Variants in ARHGAP19 observed in about 807,000 individuals in gnomAD.
ARHGAP19 encodes the protein rho GTPase-activating protein 19.
A neutral mutation model predicts 60.9 loss-of-function variants in ARHGAP19; 48 were observed. The ratio of observed to expected loss-of-function variants is 0.79; its 90% CI spans 0.62 to 1.00. ARHGAP19 has a LOEUF of 1.00. Ranked by LOEUF, ARHGAP19 falls within the 50% of genes least tolerant of loss-of-function variation. The pLI is 0.00. For missense variants in ARHGAP19, 562 were observed against 597.2 expected, an observed-to-expected ratio of 0.94 and a Z score of 0.61; for synonymous variants, 209 against 215.5, an observed-to-expected ratio of 0.97 and a Z score of 0.27.
intron 11 of ARHGAP19, among the ~76,000 whole-genome samples, chr10:97,228,109 G>C (rs777923744): frequency 1.3e-5 from 2 of 152,320 alleles, no homozygotes; most frequent in East Asian, 3.8e-4. Flanking sequence ...CAGAAGCAAC[G>C]AGGAAAGAAA....
At chr10:97,241,172 C>T (rs1275651421) in intron 8 of ARHGAP19, among the ~76,000 whole-genome samples, 1 of 151,264 alleles carries the variant, frequency 6.6e-6, no homozygotes, top group Non-Finnish European at 1.5e-5. Context: ...AATACAAAAA[C>T]ATTAGCCGGG....
In ARHGAP19 at chr10:97,279,142, T is replaced by C. The variant is rs143419434; in HGVS notation, c.57-13017A>G. On this transcript the variant is annotated intron_variant, in intron 1 of 11. Coordinates refer to ENST00000358531, the MANE Select transcript of ARHGAP19 (RefSeq NM_032900.6). Reference sequence around the variant, plus strand: ...AGAAAAGACTGTATTCTTCCCTCTTTCTATGTATCAAATTTAAGCCAGTAT... The same window carrying C: ...AGAAAAGACTGTATTCTTCCCTCTTCCTATGTATCAAATTTAAGCCAGTAT... Among the ~76,000 whole-genome samples, 711 of 152,280 alleles carry C rather than the reference T, an allele frequency of 4.7e-3. 4 individuals are homozygous for C. The highest frequency in any genetic ancestry group is 7.5e-3 in the Non-Finnish European group (513 of 68,022).
intron 1 of ARHGAP19, among the ~76,000 whole-genome samples, chr10:97,290,656 C>G (rs924909166): frequency 1.3e-5 from 2 of 151,994 alleles, no homozygotes; most frequent in African/African-American, 2.4e-5. Context: ...TTGGTGACCA[C>G]GAAGGGGCAT....
intron 1 of ARHGAP19, among the ~76,000 whole-genome samples, chr10:97,288,637 A>G (rs1843186911): frequency 6.6e-6 from 1 of 151,980 alleles, no homozygotes; most frequent in Admixed American, 6.6e-5. Context: ...GCAGAGCAAG[A>G]GCAAGAAAGA....
At chr10:97,239,451 G>A (rs1430284796) in intron 8 of ARHGAP19, among the ~76,000 whole-genome samples, 2 of 151,574 alleles carry the variant, frequency 1.3e-5, no homozygotes, top group Admixed American at 1.3e-4. Context: ...AGCCGAGATC[G>A]GAGATCGTGC....
intron 1 of ARHGAP19, among the ~76,000 whole-genome samples, chr10:97,269,444 C>T (rs1842936123): frequency 6.6e-6 from 1 of 152,158 alleles, no homozygotes; most frequent in South Asian, 2.1e-4. Flanking sequence ...AAATGCTTCT[C>T]TCTTCAACCT....
intron 9 of ARHGAP19, among the ~76,000 whole-genome samples, chr10:97,232,409 C>T (rs2134812269): frequency 6.6e-6 from 1 of 152,176 alleles, no homozygotes; most frequent in East Asian, 1.9e-4. Flanking sequence ...GTGATCCGCC[C>T]ACCTCAGCCT....
Position 97,255,216 on chromosome 10 carries a change from T to A in ARHGAP19, c.927+1102A>T, listed in dbSNP as rs565012043. On this transcript the variant is annotated intron_variant, in intron 6 of 11. Transcript: ENST00000358531. ...GCTTAAAAATGGTTAAGATGGCAAA[T>A]TTTATAAGCATTTTACTGCAAGAAA... is the stretch of plus-strand genomic sequence containing the variant. 3.9e-5 allele frequency among the ~76,000 whole-genome samples: 6 copies of A among 152,302 alleles called. No individual in the cohort carries two copies. The South Asian group carries it at 1.2e-3, about 32-fold the overall frequency.
intron 1 of ARHGAP19, among the ~76,000 whole-genome samples, chr10:97,282,898 A>C (rs1399923185): frequency 7.4e-6 from 1 of 135,326 alleles, no homozygotes. Context: ...GCTGGAGTGC[A>C]GTGGTGCGAT....
chr10:97,289,140 A>G (rs1343006433), intron 1 of ARHGAP19, among the ~76,000 whole-genome samples: 7 of 135,462 alleles, frequency 5.2e-5, no homozygotes, highest in African/African-American at 2.0e-4. Context: ...TTCGAAACGT[A>G]GTCTCGCTCT....
intron 9 of ARHGAP19, 144 bp downstream of exon 9, chr10:97,235,073 T>A: frequency 1.4e-6 from 1 of 704,498 alleles, no homozygotes. Context: ...ATAAAAGCTT[T>A]TCAACATTTT....
intron 10 of ARHGAP19, 32 bp from the exon 11 acceptor site, chr10:97,229,257 T>C (rs984001520): frequency 6.6e-7 from 1 of 1,518,356 alleles, no homozygotes; most frequent in African/African-American, 1.4e-5. Flanking sequence ...GTGGTTTCAA[T>C]GTTCTAATGC....
intron 8 of ARHGAP19, among the ~76,000 whole-genome samples, chr10:97,239,391 G>A (rs539341721): frequency 1.7e-4 from 26 of 152,132 alleles, no homozygotes; most frequent in African/African-American, 5.5e-4. Flanking sequence ...AGCTACTCTG[G>A]AGGCTGAGGC....
In ARHGAP19 at chr10:97,292,629, T is replaced by C. The variant is rs1169203994; in HGVS notation, c.-2A>G. On this transcript the variant is annotated 5_prime_UTR_variant, in exon 1 of 12. Coordinates refer to ENST00000358531, the MANE Select transcript of ARHGAP19 (RefSeq NM_032900.6). ...TTCACTCTGTGCCTCAGTCGCCATC[T>C]TCGTCAGCAAACTTCTTTCACCGCC... The C allele has an allele frequency of 6.2e-7, 1 of 1,614,238 alleles. No homozygotes were observed. Among genetic ancestry groups the C allele is most frequent in the East Asian group, 2.2e-5 (1 of 44,888 alleles).
Position 97,247,899 on chromosome 10 carries a change from A to G in ARHGAP19, c.928-1562T>C, listed in dbSNP as rs185836051. The stretch of plus-strand genomic sequence containing the variant: ...AAAAGAAACACTAACAGGATAACCC[A>G]GAAAACAATGAAAATAATTAGAAAG... On this transcript the variant is annotated intron_variant, in intron 6 of 11. Coordinates refer to ENST00000358531, the MANE Select transcript of ARHGAP19 (RefSeq NM_032900.6). Among the ~76,000 whole-genome samples the G allele has an allele frequency of 1.4e-4, 21 of 152,282 alleles. No individual in the cohort carries two copies. In the East Asian group the frequency reaches 4.0e-3, roughly 29 times the overall value.
chr10:97,226,270 G>A lies in ARHGAP19; in HGVS notation c.1475-138C>T. The A allele has an allele frequency of 6.2e-6, 5 of 807,848 alleles. No individual in the cohort carries two copies. The South Asian group carries it at 8.7e-5, about 14-fold the overall frequency. 50.0% of individuals were successfully genotyped at this position (807,848 alleles called of 1,614,324 possible). A position where few individuals can be genotyped will look rare whatever the true frequency, so the allele number is the denominator to read the frequency against. On this transcript the variant is annotated intron_variant, in intron 11 of 11. Coordinates refer to ENST00000358531, the MANE Select transcript of ARHGAP19 (RefSeq NM_032900.6). ...CTAATGAGTTTAATTAAGAATGTGT[G>A]ACTCTACCAAATAAACATCTGCCTG...
At chr10:97,287,418 G>C (rs1843169614) in intron 1 of ARHGAP19, among the ~76,000 whole-genome samples, 1 of 152,176 alleles carries the variant, frequency 6.6e-6, no homozygotes, top group South Asian at 2.1e-4. Context: ...CATAACATGG[G>C]AATCTTTATA....
Position 97,244,047 on chromosome 10 carries a change from G to C in ARHGAP19, c.1106C>G (p.Thr369Arg). 6.2e-7 allele frequency: 1 copy of C among 1,613,986 alleles called. No individual in the cohort carries two copies. Among genetic ancestry groups the C allele is most frequent in the Non-Finnish European group, 8.5e-7 (1 of 1,179,956 alleles). The part of the protein sequence containing the change: ...CPHQEETQHH[T>R]EEALRELFQH... The stretch of plus-strand genomic sequence containing the variant: ...AAACAGCTCTCTCAGTGCCTCTTCC[G>C]TATGGTGCTGGGTCTCCTCCTGGTG... The change falls in exon 8 of 12, where the codon ACG becomes AGG. Residue 369 changes from threonine to arginine, a missense_variant. Thr to Arg is a moderately conservative substitution (Grantham distance 71, BLOSUM62 -1). Coordinates refer to ENST00000358531, the MANE Select transcript of ARHGAP19 (RefSeq NM_032900.6).
chr10:97,234,743 A>G (rs1158772314), intron 9 of ARHGAP19, among the ~76,000 whole-genome samples: 2 of 151,930 alleles, frequency 1.3e-5, no homozygotes, highest in East Asian at 3.8e-4. Flanking sequence ...TACATGGAAG[A>G]AAGTACAACA....
Sources: allele counts gnomAD v4.1 joint callset (sites outside exome capture counted in the v4.1 genomes callset), GRCh38; gene constraint gnomAD v4.1.1; transcripts MANE v1.5; gene names NCBI Gene and HGNC (gene_info 2026-07-23, HGNC 2026-07-21).